Variants in CHD6 observed in about 807,000 individuals in gnomAD.
CHD6 encodes chromodomain helicase DNA binding protein 6, also known as ATP-dependent chromatin remodeler CHD6.
CHD6 carries 50 observed loss-of-function variants against 276.9 expected under a neutral mutation model. The ratio of observed to expected loss-of-function variants is 0.18; its 90% confidence interval spans 0.14 to 0.23. The LOEUF (loss-of-function observed/expected upper bound fraction) is 0.23, where lower values mean the gene tolerates loss of function less well. CHD6 is among the 10% of genes least tolerant of loss of function. The probability of loss-of-function intolerance (pLI) is 1.00; values close to 1 mark genes in which losing one functional copy is unlikely to be tolerated. For missense variants in CHD6, 2,564 were observed against 3,365.8 expected (o/e 0.76, Z 5.89); for synonymous variants, 1,173 against 1,229.3 (o/e 0.95, Z 0.96).
chr20:41,520,949 T>C (rs951251469), intron 3 of CHD6, among the ~76,000 whole-genome samples: 3 of 151,808 alleles, frequency 2.0e-5, no homozygotes, highest in East Asian at 1.9e-4. Flanking sequence ...TAAAAAAGCA[T>C]GTACACATCT....
intron 2 of CHD6, among the ~76,000 whole-genome samples, chr20:41,542,281 G>A (rs912580468): frequency 4.6e-5 from 7 of 152,160 alleles, no homozygotes; most frequent in Admixed American, 2.6e-4. Flanking sequence ...CTTCATTCCT[G>A]GCCCACATGT....
At chr20:41,491,356 GTTTTGTT>G (rs2043550048) in intron 11 of CHD6, among the ~76,000 whole-genome samples, 1 of 143,814 alleles carries the variant, frequency 7.0e-6, no homozygotes, top group African/African-American at 2.6e-5. Context: ...GTTTTGTTTT[GTTTTGTT>G]TTTTGTTTTT....
At chr20:41,450,771 T>C (rs114935482) in intron 23 of CHD6, among the ~76,000 whole-genome samples, 175 bp downstream of exon 23, 7 of 152,330 alleles carry the variant, frequency 4.6e-5, no homozygotes, top group African/African-American at 1.7e-4. Flanking sequence ...AAAGGAGTTA[T>C]AGGAGCTGTA....
chr20:41,617,915 G>T (rs1350778991), intron 1 of CHD6, among the ~76,000 whole-genome samples: 1 of 147,352 alleles, frequency 6.8e-6, no homozygotes, highest in Admixed American at 6.7e-5. Context: ...GCCCCAGCGC[G>T]GCTGGGCCCG....
chr20:41,449,106 T>C (rs1286228826), intron 23 of CHD6, among the ~76,000 whole-genome samples: 4 of 152,210 alleles, frequency 2.6e-5, no homozygotes, highest in Non-Finnish European at 5.9e-5. Context: ...TTTCACCATG[T>C]TGGCCAGGCT....
chr20:41,420,466 A>G, intron 31 of CHD6, 42 bp downstream of exon 31: 1 of 1,556,864 alleles, frequency 6.4e-7, no homozygotes, highest in Non-Finnish European at 8.6e-7. Flanking sequence ...GTCGTGTGTG[A>G]ACTAGTTTAT....
chr20:41,502,289 A>C (rs2043848815), intron 5 of CHD6, among the ~76,000 whole-genome samples: 1 of 152,244 alleles, frequency 6.6e-6, no homozygotes, highest in African/African-American at 2.4e-5. Context: ...ATTTCACTTA[A>C]ACCAATATAT....
intron 20 of CHD6, among the ~76,000 whole-genome samples, chr20:41,453,271 G>A (rs6016560): frequency 0.33 from 49,784 of 152,086 alleles, 8,651 homozygotes; most frequent in African/African-American, 0.44. Flanking sequence ...AAGAAAGACT[G>A]GAGTAGTGAA....
At chr20:41,524,652 T>A (rs932096880) in intron 3 of CHD6, among the ~76,000 whole-genome samples, 4 of 152,206 alleles carry the variant, frequency 2.6e-5, no homozygotes, top group African/African-American at 9.6e-5. Context: ...ACGCTCATGC[T>A]TCTAGTTCAT....
chr20:41,577,066 G>T (rs902443187), intron 1 of CHD6, among the ~76,000 whole-genome samples: 5 of 152,160 alleles, frequency 3.3e-5, no homozygotes, highest in Admixed American at 2.6e-4. Flanking sequence ...GAAGGAAAGA[G>T]AATTATTTAA....
At position 41,462,809 on chromosome 20, in the gene CHD6, T is replaced by G. The variant is rs550129591; in HGVS notation, c.2665-5381A>C. Among the ~76,000 whole-genome samples, 74 of 152,364 alleles carry G rather than the reference T, an allele frequency of 4.9e-4. 1 individual carries two copies. The highest frequency in any genetic ancestry group is 1.8e-3 in the African/African-American group (73 of 41,582). On this transcript the variant is annotated intron_variant, in intron 17 of 36. Transcript: ENST00000373233. ...ATATATTTACACATATGCATATTTA[T>G]AGTCTCTCTTTCTGTGTGTATTCCA...
At chr20:41,584,446 G>C (rs1601167091) in intron 1 of CHD6, among the ~76,000 whole-genome samples, 1 of 152,168 alleles carries the variant, frequency 6.6e-6, no homozygotes, top group South Asian at 2.1e-4. Context: ...TTTCTATCTA[G>C]AAGATACCAA....
Position 41,575,760 on chromosome 20 carries a change from C to T in CHD6, c.-23-24400G>A, listed in dbSNP as rs74491040. On this transcript the variant is annotated intron_variant, in intron 1 of 36. Coordinates refer to ENST00000373233, the MANE Select transcript of CHD6 (RefSeq NM_032221.5). ...CCTTTCATTGTATGGTTTGTCCCTC[C>T]GAGGAGCTGGTCACCTCACTCAACA... Among the ~76,000 whole-genome samples, 954 of 152,292 alleles carry T rather than the reference C, an allele frequency of 6.3e-3. 5 individuals are homozygous for T. The highest frequency in any genetic ancestry group is 0.011 in the Non-Finnish European group (738 of 68,020).
In CHD6 at chr20:41,547,524, C is replaced by T. The variant is rs564227013; in HGVS notation, c.33+3781G>A. On this transcript the variant is annotated intron_variant, in intron 2 of 36. Transcript: ENST00000373233. ...TGCACTGGCTCCCAGGATAAGACCC[C>T]TGGGTCTGTCTCCCAAAAAGGTTGA... 3.1e-4 allele frequency: 137 copies of T among 441,814 alleles called. No individual in the cohort carries two copies. In the East Asian group the frequency reaches 7.0e-3, roughly 23 times the overall value. 27.4% of individuals were successfully genotyped at this position (441,814 alleles called of 1,614,324 possible).
rs144966112 is a variant in CHD6, at chr20:41,490,577, C to T, written c.1437-556G>A. ...CCTGTAATCCCAACATTTTGGGAGG[C>T]CAACGCGGGCAGATCACCTGAGGTC... is the stretch of plus-strand genomic sequence containing the variant. On this transcript the variant is annotated intron_variant, in intron 11 of 36. Transcript: ENST00000373233. Among the ~76,000 whole-genome samples, 55 of 152,248 alleles carry T rather than the reference C, an allele frequency of 3.6e-4. 2 individuals carry two copies. In the East Asian group the frequency reaches 4.4e-3, roughly 12 times the overall value.
Position 41,440,018 on chromosome 20 carries a change from G to T in CHD6, c.3989C>A (p.Thr1330Asn), listed in dbSNP as rs748516064. 112 of 1,614,052 alleles carry T rather than the reference G, an allele frequency of 6.9e-5. 3 individuals carry two copies. In the South Asian group the frequency reaches 1.2e-3, roughly 17 times the overall value. The change falls in exon 26 of 37, where the codon ACC becomes AAC. Residue 1330 changes from threonine (T) to asparagine (N), a missense_variant. Transcript: ENST00000373233. ...LSAEQGVTDG[T>N]SDIPERGNTD... Reference sequence around the variant, plus strand: ...TTCTCACCTTTCAGGAATGTCTGAGGTCCCATCTGTAACACCCTGTTCTGC... The same window carrying T: ...TTCTCACCTTTCAGGAATGTCTGAGTTCCCATCTGTAACACCCTGTTCTGC...
At chr20:41,435,596 C>T (rs549182642) in intron 27 of CHD6, among the ~76,000 whole-genome samples, 2 of 124,540 alleles carry the variant, frequency 1.6e-5, no homozygotes, top group East Asian at 5.1e-4. Context: ...AGAGTGAGAC[C>T]CTGAGTCAAA....
At chr20:41,577,400 T>C (rs1368124973) in intron 1 of CHD6, among the ~76,000 whole-genome samples, 3 of 152,218 alleles carry the variant, frequency 2.0e-5, no homozygotes, top group Non-Finnish European at 2.9e-5. Flanking sequence ...CCTGTGTGAA[T>C]CTGTGACCTC....
At chr20:41,555,634 C>T (rs1316697659) in intron 1 of CHD6, among the ~76,000 whole-genome samples, 5 of 151,052 alleles carry the variant, frequency 3.3e-5, no homozygotes, top group Admixed American at 6.6e-5. Flanking sequence ...CGGGTAGAGG[C>T]ACTCCTCACA....
Sources: allele counts gnomAD v4.1 joint callset (sites outside exome capture counted in the v4.1 genomes callset), GRCh38; gene constraint gnomAD v4.1.1; transcripts MANE v1.5; gene names NCBI Gene and HGNC (gene_info 2026-07-23, HGNC 2026-07-21).